DDX31: variants seen among roughly 807,000 people sequenced by gnomAD.
DDX31 encodes DEAD-box helicase 31.
In DDX31, 70 loss-of-function variants were observed where a neutral mutation model predicts 91.3. That is an observed-to-expected ratio of 0.77 (90% CI 0.63 to 0.94). DDX31 has a LOEUF of 0.94. Among genes scored for constraint, DDX31 ranks in the 40% least tolerant of loss-of-function variants. The probability of loss-of-function intolerance (pLI) is 0.00; values close to 1 mark genes in which losing one functional copy is unlikely to be tolerated. For missense variants in DDX31, 902 were observed against 925.0 expected (o/e 0.98, Z 0.32); for synonymous variants, 362 against 350.6 (o/e 1.03, Z -0.36).
rs306537 is a variant in DDX31, at chr9:132,645,916, C to T, written c.1359G>A (p.Leu453=). 83,891 of 1,612,882 alleles carry T rather than the reference C, an allele frequency of 0.052. 2,767 individuals are homozygous for T. The highest frequency in any genetic ancestry group is 0.13 in the Admixed American group (7,822 of 59,828). The part of the protein sequence containing the change: ...SASMRLKFLR[L]HGGMEQEERT... ...TCACCTCCTGCTCCATGCCGCCATG[C>T]AGCCGTAGGAATTTTAATCGCATGG... is the stretch of plus-strand genomic sequence containing the variant. Residue 453 remains leucine, a synonymous_variant, in exon 13 of 20, where the codon CTG becomes CTA. Transcript: ENST00000372159.
At chr9:132,631,775 G>C (rs370802363) in intron 15 of DDX31, among the ~76,000 whole-genome samples, 7 of 152,082 alleles carry the variant, frequency 4.6e-5, no homozygotes, top group African/African-American at 1.7e-4. Context: ...TTGAAATTTT[G>C]GTTTGTGACA....
chr9:132,598,844 T>C (rs548448933), intron 19 of DDX31, among the ~76,000 whole-genome samples: 1 of 152,388 alleles, frequency 6.6e-6, no homozygotes, highest in South Asian at 2.1e-4. Flanking sequence ...TATATTTTCA[T>C]CTAGCTTGCT....
chr9:132,662,778 C>A (rs982087701), intron 1 of DDX31, 83 bp from the exon 2 acceptor site: 6 of 1,565,874 alleles, frequency 3.8e-6, no homozygotes, highest in Non-Finnish European at 4.3e-6. Flanking sequence ...TGACTGCCCA[C>A]AGAATTGCAT....
chr9:132,624,264 A>G (rs1019933897), intron 17 of DDX31, among the ~76,000 whole-genome samples: 2 of 152,056 alleles, frequency 1.3e-5, no homozygotes, highest in South Asian at 2.1e-4. Context: ...GCCAAGACCA[A>G]TGAAGATCTG....
At chr9:132,620,002 T>C (rs1831913567) in intron 17 of DDX31, among the ~76,000 whole-genome samples, 1 of 152,072 alleles carries the variant, frequency 6.6e-6, no homozygotes, top group Admixed American at 6.6e-5. Context: ...CTCTTTTTCT[T>C]GTGTTTTAAC....
intron 17 of DDX31, among the ~76,000 whole-genome samples, chr9:132,624,811 G>A (rs533282570): frequency 4.1e-4 from 63 of 152,320 alleles, no homozygotes; most frequent in Admixed American, 7.8e-4. Flanking sequence ...TCTAAAACAA[G>A]AGAATTTAAG....
At chr9:132,639,025 C>G (rs1564313536) in intron 14 of DDX31, among the ~76,000 whole-genome samples, 1 of 152,156 alleles carries the variant, frequency 6.6e-6, no homozygotes, top group Non-Finnish European at 1.5e-5. Flanking sequence ...TCTGTCTCGT[C>G]CTGAAGTGGC....
At chr9:132,669,831 GA>G (rs916665467) in intron 1 of DDX31, 28 bp downstream of exon 1, 6 of 1,551,980 alleles carry the variant, frequency 3.9e-6, no homozygotes, top group Non-Finnish European at 4.3e-6. Flanking sequence ...CGCGGGTGGG[GA>G]CGGAGCTGAA....
intron 7 of DDX31, among the ~76,000 whole-genome samples, chr9:132,651,597 G>A (rs1834190656): frequency 6.6e-6 from 1 of 152,174 alleles, no homozygotes; most frequent in Non-Finnish European, 1.5e-5. Context: ...TCTGAAGCCT[G>A]GGAGATGGTC....
At chr9:132,628,715 G>A (rs1196925806) in intron 16 of DDX31, among the ~76,000 whole-genome samples, 1 of 152,214 alleles carries the variant, frequency 6.6e-6, no homozygotes, top group Non-Finnish European at 1.5e-5. Context: ...ACGAGCATGG[G>A]GGAACATCCA....
intron 14 of DDX31, among the ~76,000 whole-genome samples, chr9:132,641,491 T>C (rs554188370): frequency 6.6e-6 from 1 of 152,314 alleles, no homozygotes; most frequent in African/African-American, 2.4e-5. Flanking sequence ...GGCATGAGTT[T>C]AAAAGGTCAG....
At chr9:132,604,852 T>C (rs1830923156) in intron 19 of DDX31, among the ~76,000 whole-genome samples, 1 of 152,202 alleles carries the variant, frequency 6.6e-6, no homozygotes, top group Non-Finnish European at 1.5e-5. Flanking sequence ...TGGCCTTGTC[T>C]AGGTGGGGTG....
intron 6 of DDX31, among the ~76,000 whole-genome samples, chr9:132,657,523 T>C (rs1006014228): frequency 6.6e-6 from 1 of 152,222 alleles, no homozygotes; most frequent in African/African-American, 2.4e-5. Flanking sequence ...TATTCAATAA[T>C]TTATTTGTAT....
intron 16 of DDX31, among the ~76,000 whole-genome samples, chr9:132,629,640 A>G (rs1832605746): frequency 6.6e-6 from 1 of 152,254 alleles, no homozygotes; most frequent in Admixed American, 6.5e-5. Context: ...TACATAAAAC[A>G]CAGGGCTGGG....
chr9:132,601,456 A>G (rs1353016633), intron 19 of DDX31, among the ~76,000 whole-genome samples: 1 of 152,134 alleles, frequency 6.6e-6, no homozygotes, highest in Non-Finnish European at 1.5e-5. Flanking sequence ...TCCTCTGTAA[A>G]ACAGGGATAA....
At chr9:132,659,559 C>T in intron 5 of DDX31, 151 bp downstream of exon 5, 1 of 642,844 alleles carries the variant, frequency 1.6e-6, no homozygotes, top group Non-Finnish European at 2.7e-6. Context: ...ATTATGTGAA[C>T]ACATTCAGGG....
At position 132,622,960 on chromosome 9, in the gene DDX31, G is replaced by A. The variant is rs576438784; in HGVS notation, c.1713+2704C>T. Among the ~76,000 whole-genome samples the A allele has an allele frequency of 2.6e-5, 4 of 152,100 alleles. No homozygotes were observed. The South Asian group carries it at 6.2e-4, about 24-fold the overall frequency. Reference sequence around the variant, plus strand: ...AGCCTGGCCAAGATGGTGAAACCCCGTCTCTACTAAAAATACAAAAGTTAG... The same window carrying A: ...AGCCTGGCCAAGATGGTGAAACCCCATCTCTACTAAAAATACAAAAGTTAG... On this transcript the variant is annotated intron_variant, in intron 17 of 19. Transcript: ENST00000372159.
chr9:132,635,816 T>G (rs1429748029), intron 14 of DDX31, among the ~76,000 whole-genome samples: 1 of 151,686 alleles, frequency 6.6e-6, no homozygotes, highest in East Asian at 2.0e-4. Context: ...TGGTGGTGCA[T>G]GCCTGTAGTC....
At chr9:132,651,946 T>C (rs1834212968) in intron 7 of DDX31, among the ~76,000 whole-genome samples, 1 of 152,194 alleles carries the variant, frequency 6.6e-6, no homozygotes, top group African/African-American at 2.4e-5. Flanking sequence ...GCATTTGATA[T>C]AGAAACCACA....
Sources: gnomAD v4.1 joint callset for allele counts (sites outside exome capture counted in the v4.1 genomes callset) on GRCh38, gnomAD v4.1.1 for gene constraint, MANE v1.5 for transcripts, NCBI Gene and HGNC (gene_info 2026-07-23, HGNC 2026-07-21) for gene names.